RPL23: variants seen among roughly 807,000 people sequenced by gnomAD.
RPL23 encodes the protein ribosomal protein L23.
For missense variants in RPL23, 79 were observed against 178.8 expected, an observed-to-expected ratio of 0.44 and a Z score of 3.18; for synonymous variants, 63 against 65.3, an observed-to-expected ratio of 0.97 and a Z score of 0.17.
rs1598092490 is a variant in RPL23 at position 38,850,017 on chromosome 17, CT to C, written c.*114del. On this transcript the variant is annotated 3_prime_UTR_variant, in exon 5 of 5. Coordinates refer to ENST00000479035, the MANE Select transcript of RPL23 (RefSeq NM_000978.4). ...CCTGTAATCCCAGCTACTTAGGAGG[CT>C]GAGGCAGGAGAATCGCTTGAACCCT... The C allele has an allele frequency of 1.4e-6, 1 of 721,174 alleles. No homozygotes were observed. The highest frequency in any genetic ancestry group is 3.0e-5 in the East Asian group (1 of 33,834). The allele number at this position is 721,174 out of a possible 1,614,324, so 44.7% of individuals were successfully genotyped here.
chr17:38,849,964 A>G lies in RPL23; in HGVS notation c.*168T>C. 3.7e-6 allele frequency: 2 copies of G among 541,486 alleles called. No individual in the cohort carries two copies. Among genetic ancestry groups the G allele is most frequent in the Admixed American group, 7.0e-5 (2 of 28,382 alleles). The allele number at this position is 541,486 out of a possible 1,614,324, so 33.5% of individuals were successfully genotyped here. On this transcript the variant is annotated 3_prime_UTR_variant, in exon 5 of 5. Transcript: ENST00000479035. ...GAAACCCTGTCTCCACCAAAAATAC[A>G]AAAACTAGCCAGGCATGACGGCAGG...
rs138762930 is a variant in RPL23 at position 38,850,487 on chromosome 17, A to G, written c.227-12T>C. 660 of 1,590,452 alleles carry G rather than the reference A, an allele frequency of 4.1e-4. 2 individuals carry two copies. Among genetic ancestry groups the G allele is most frequent in the East Asian group, 4.1e-3 (185 of 44,768 alleles). On this transcript the variant is annotated splice_polypyrimidine_tract_variant and intron_variant, in intron 3 of 4. Coordinates refer to ENST00000479035, the MANE Select transcript of RPL23 (RefSeq NM_000978.4). ...CACTGCTGGATGTACTGAGAGAAGA[A>G]AAAAGGACAGCAGTCATTAACCTGT...
intron 1 of RPL23, 47 bp downstream of exon 1, chr17:38,853,651 C>G: frequency 6.2e-7 from 1 of 1,613,470 alleles, no homozygotes; most frequent in Non-Finnish European, 8.5e-7. Flanking sequence ...AATCCGCCAG[C>G]CACTGCACGA....
intron 1 of RPL23, 59 bp from the exon 2 acceptor site, chr17:38,853,164 G>T: frequency 7.5e-7 from 1 of 1,326,052 alleles, no homozygotes; most frequent in Non-Finnish European, 1.1e-6. Context: ...ACATGGTTCG[G>T]AGTTCCCCCT....
chr17:38,853,235 G>T, intron 1 of RPL23, 130 bp from the exon 2 acceptor site: 1 of 747,570 alleles, frequency 1.3e-6, no homozygotes, highest in South Asian at 1.6e-5. Context: ...AGATTAGCTC[G>T]CTCGGATTTT....
Position 38,848,072 on chromosome 17 carries a change from A to G in RPL23, c.*2060T>C, listed in dbSNP as rs536993926. The G allele has an allele frequency of 3.3e-6, 5 of 1,533,026 alleles. No homozygotes were observed. Among genetic ancestry groups the G allele is most frequent in the African/African-American group, 2.8e-5 (2 of 72,224 alleles). 95.0% of individuals were successfully genotyped at this position (1,533,026 alleles called of 1,614,324 possible). On this transcript the variant is annotated 3_prime_UTR_variant, in exon 5 of 5. Coordinates refer to ENST00000479035, the MANE Select transcript of RPL23 (RefSeq NM_000978.4). ...ACAGAGCAAGACTGCCTCAGAAAAG[A>G]TAACATTCAAAAACAGCAGCGATTA...
At chr17:38,850,316 C>CA in intron 4 of RPL23, 46 bp downstream of exon 4, 1 of 1,575,422 alleles carries the variant, frequency 6.3e-7, no homozygotes, top group Non-Finnish European at 8.7e-7. Flanking sequence ...CTAGACAATC[C>CA]ACCCAACCTC....
chr17:38,853,427 A>C, intron 1 of RPL23: 3 of 716,202 alleles, frequency 4.2e-6, no homozygotes, highest in Non-Finnish European at 7.8e-6. Context: ...GGCCTAATCC[A>C]GTCTAACTTC....
intron 1 of RPL23, 194 bp downstream of exon 1, chr17:38,853,504 T>G: frequency 1.4e-6 from 1 of 733,720 alleles, no homozygotes; most frequent in South Asian, 1.5e-5. Context: ...CACGTCGGGA[T>G]CCTGCCATCT....
At chr17:38,850,581 G>T in intron 3 of RPL23, 106 bp from the exon 4 acceptor site, 1 of 744,626 alleles carries the variant, frequency 1.3e-6, no homozygotes. Context: ...TTGAGACAGT[G>T]ACAGTGTAAA....
In RPL23 at chr17:38,848,780, T is replaced by C. The variant is rs1912922848; in HGVS notation, c.*1352A>G. The C allele has an allele frequency of 6.6e-6, 1 of 152,096 alleles. No individual in the cohort carries two copies. Among genetic ancestry groups the C allele is most frequent in the South Asian group, 2.1e-4 (1 of 4,812 alleles). The allele number at this position is 152,096 out of a possible 1,614,324, so 9.4% of individuals were successfully genotyped here. On this transcript the variant is annotated 3_prime_UTR_variant, in exon 5 of 5. Transcript: ENST00000479035. ...TGGAAGACACTAAGGGTAGTCCTTT[T>C]TGATACCAAGTGGAGCTTGTATTAT...
rs1199348550 is a variant in RPL23, at chr17:38,848,604, C to T, written c.*1528G>A. Reference sequence around the variant, plus strand: ...TACTGGTTCTCAGTCTTGGGTATACCTTGACATCTCCTGGGAGCTTCACAA... The same window carrying T: ...TACTGGTTCTCAGTCTTGGGTATACTTTGACATCTCCTGGGAGCTTCACAA... On this transcript the variant is annotated 3_prime_UTR_variant, in exon 5 of 5. Transcript: ENST00000479035. The T allele has an allele frequency of 2.0e-5, 3 of 152,288 alleles. No individual in the cohort carries two copies. Among genetic ancestry groups the T allele is most frequent in the Non-Finnish European group, 2.9e-5 (2 of 68,122 alleles). The allele number at this position is 152,288 out of a possible 1,614,324, so 9.4% of individuals were successfully genotyped here.
At position 38,850,144 on chromosome 17, in the gene RPL23, G is replaced by A. The variant is rs778351367; in HGVS notation, c.411C>T (p.Gly137=). ...DLWPRIASNA[G]SIA ...ATATACTGGAGAATCATGCAATGCTGCCAGCATTGGATGCAATCCGGGGCC... is the reference window on the plus strand; with the variant it reads ...ATATACTGGAGAATCATGCAATGCTACCAGCATTGGATGCAATCCGGGGCC... The change falls in exon 5 of 5, where the codon GGC becomes GGT. Residue 137 remains glycine (G), a synonymous_variant. Transcript: ENST00000479035. The A allele has an allele frequency of 3.1e-6, 5 of 1,600,182 alleles. No homozygotes were observed. The highest frequency in any genetic ancestry group is 1.7e-5 in the Admixed American group (1 of 58,246).
intron 2 of RPL23, 24 bp downstream of exon 2, chr17:38,852,998 T>C: frequency 6.2e-7 from 1 of 1,604,582 alleles, no homozygotes; most frequent in Non-Finnish European, 8.5e-7. Context: ...AAAGGGGGAG[T>C]ATAGCAACGT....
At chr17:38,850,670 T>A (rs1598092784) in intron 3 of RPL23, 195 bp from the exon 4 acceptor site, 1 of 54,394 alleles carries the variant, frequency 1.8e-5, no homozygotes, top group Non-Finnish European at 3.6e-5. Context: ...ATGCCCAGAT[T>A]TTTTTTTTTT....
intron 2 of RPL23, 62 bp from the exon 3 acceptor site, chr17:38,852,794 T>C (rs1913040269): frequency 5.6e-6 from 9 of 1,611,206 alleles, no homozygotes; most frequent in Admixed American, 3.3e-5. Context: ...TCCATCAGTA[T>C]AACATTTCCC....
In RPL23 at chr17:38,848,736, T is replaced by G. The variant is rs1238209195; in HGVS notation, c.*1396A>C. ...TAGAACAACTCCTCTCTAGGTCTGG[T>G]ACATTCCATAACTAGTCATGGAAGA... is the stretch of plus-strand genomic sequence containing the variant. On this transcript the variant is annotated 3_prime_UTR_variant, in exon 5 of 5. Coordinates refer to ENST00000479035, the MANE Select transcript of RPL23 (RefSeq NM_000978.4). 1 of 152,098 alleles carries G rather than the reference T, an allele frequency of 6.6e-6. No homozygotes were observed. The highest frequency in any genetic ancestry group is 2.4e-5 in the African/African-American group (1 of 41,464). The allele number at this position is 152,098 out of a possible 1,614,324, so 9.4% of individuals were successfully genotyped here.
intron 3 of RPL23, 177 bp from the exon 4 acceptor site, chr17:38,850,652 A>C: frequency 1.8e-6 from 1 of 556,936 alleles, no homozygotes; most frequent in Non-Finnish European, 3.1e-6. Flanking sequence ...CTACAGGTGC[A>C]CACTACCATG....
chr17:38,852,775 T>G (rs751714527), intron 2 of RPL23, 43 bp from the exon 3 acceptor site: 1 of 1,613,508 alleles, frequency 6.2e-7, no homozygotes, highest in South Asian at 1.1e-5. Context: ...TTGAGGGCCA[T>G]CAGGCCGTTC....
Sources: gnomAD v4.1 joint callset for allele counts on GRCh38, gnomAD v4.1.1 for gene constraint, MANE v1.5 for transcripts, NCBI Gene and HGNC (gene_info 2026-07-23, HGNC 2026-07-21) for gene names.